Variants in DSCAM observed in about 807,000 individuals in gnomAD.
DSCAM encodes DS cell adhesion molecule.
A neutral mutation model predicts 217.7 loss-of-function variants in DSCAM; 47 were observed. The observed-to-expected ratio is 0.22, with a 90% CI of 0.17 to 0.28. DSCAM has a LOEUF of 0.28. DSCAM is among the 10% of genes least tolerant of loss of function. DSCAM has a pLI of 1.00. For synonymous variants in DSCAM, 1,056 were observed against 1,015.3 expected (o/e 1.04, Z -0.76); for missense variants, 2,080 against 2,618.3 (o/e 0.79, Z 4.49).
At chr21:40,658,545 A>G (rs2090101011) in intron 3 of DSCAM, among the ~76,000 whole-genome samples, 1 of 152,214 alleles carries the variant, frequency 6.6e-6, no homozygotes, top group African/African-American at 2.4e-5. Context: ...GGAATTCTAC[A>G]AGAATCTTCA....
At chr21:40,699,004 T>C (rs780763271) in intron 2 of DSCAM, among the ~76,000 whole-genome samples, 38 of 152,212 alleles carry the variant, frequency 2.5e-4, no homozygotes, top group Non-Finnish European at 4.8e-4. Flanking sequence ...GGAGAGATTA[T>C]GTTTTTTACA....
intron 20 of DSCAM, among the ~76,000 whole-genome samples, chr21:40,097,301 A>C (rs772974062): frequency 6.6e-6 from 1 of 152,232 alleles, no homozygotes; most frequent in Non-Finnish European, 1.5e-5. Context: ...TACTATATGC[A>C]AAGTGTGTAA....
intron 32 of DSCAM, among the ~76,000 whole-genome samples, chr21:40,017,822 G>T (rs1255820995): frequency 6.6e-6 from 1 of 152,202 alleles, no homozygotes; most frequent in Non-Finnish European, 1.5e-5. Flanking sequence ...AAAGTGTTGG[G>T]ATTACAGGCG....
At chr21:40,824,715 A>G (rs1435822287) in intron 1 of DSCAM, among the ~76,000 whole-genome samples, 1 of 151,922 alleles carries the variant, frequency 6.6e-6, no homozygotes, top group Non-Finnish European at 1.5e-5. Context: ...CCCGGCCCCT[A>G]TCCCATTTTT....
At chr21:40,553,318 T>C (rs980981192) in intron 3 of DSCAM, among the ~76,000 whole-genome samples, 2 of 152,258 alleles carry the variant, frequency 1.3e-5, no homozygotes, top group Non-Finnish European at 2.9e-5. Context: ...GATCAAGTTC[T>C]TCTGAAAATT....
intron 1 of DSCAM, among the ~76,000 whole-genome samples, chr21:40,795,468 G>A (rs1386742857): frequency 1.3e-5 from 2 of 152,012 alleles, no homozygotes; most frequent in Non-Finnish European, 2.9e-5. Context: ...TATTTAGGCT[G>A]GATTTCACCT....
rs1385685224 is a variant in DSCAM, at chr21:40,080,169, G to A, written c.4403C>T (p.Ala1468Val). 2 of 1,570,312 alleles carry A rather than the reference G, an allele frequency of 1.3e-6. No individual in the cohort carries two copies. The change falls in exon 25 of 33, where the codon GCA becomes GTA. Residue 1468 changes from alanine to valine, a missense_variant. Ala to Val is a moderately conservative substitution (Grantham distance 64). Coordinates refer to ENST00000400454, the MANE Select transcript of DSCAM (RefSeq NM_001389.5). ...ATACCTACCTTTTCCTAAGGTCTTT[G>A]CTTCTATGATTTCACTTATGCGCCC... The part of the protein sequence containing the change: ...GPGRISEIIE[A>V]KTLGKEPQFS...
In DSCAM at chr21:40,801,865, G is replaced by A. The variant is rs574601865; in HGVS notation, c.43+44754C>T. 1.2e-4 allele frequency among the ~76,000 whole-genome samples: 18 copies of A among 152,304 alleles called. No homozygotes were observed. The South Asian group carries it at 3.5e-3, about 30-fold the overall frequency. The stretch of plus-strand genomic sequence containing the variant: ...TAAGGATGTCATCAAAAGCTTGGGG[G>A]CCCAGGCAGGGACTTGTCACAGGGG... On this transcript the variant is annotated intron_variant, in intron 1 of 32. Coordinates refer to ENST00000400454, the MANE Select transcript of DSCAM (RefSeq NM_001389.5).
intron 3 of DSCAM, among the ~76,000 whole-genome samples, chr21:40,434,988 C>T (rs1054679027): frequency 6.6e-6 from 1 of 152,160 alleles, no homozygotes; most frequent in African/African-American, 2.4e-5. Context: ...ACAGGCCATC[C>T]TATCCTGAAA....
intron 3 of DSCAM, among the ~76,000 whole-genome samples, chr21:40,396,679 G>GCTACTA (rs3069907): frequency 9.8e-4 from 148 of 151,164 alleles, no homozygotes; most frequent in Middle Eastern, 6.9e-3. Flanking sequence ...TGCCACTGCT[G>GCTACTA]CTACTACTAC....
chr21:40,463,199 AC>A (rs1299320811), intron 3 of DSCAM, among the ~76,000 whole-genome samples: 1 of 152,120 alleles, frequency 6.6e-6, no homozygotes, highest in Non-Finnish European at 1.5e-5. Flanking sequence ...ATTATTGCAC[AC>A]CTACTAGATA....
intron 31 of DSCAM, 42 bp downstream of exon 31, chr21:40,044,036 G>A (rs776908213): frequency 2.5e-5 from 40 of 1,605,054 alleles, no homozygotes; most frequent in African/African-American, 1.1e-4. Context: ...TGCGGGGGCC[G>A]TGCTGGTCCC....
At chr21:40,805,490 C>T (rs572267992) in intron 1 of DSCAM, among the ~76,000 whole-genome samples, 1 of 152,126 alleles carries the variant, frequency 6.6e-6, no homozygotes, top group African/African-American at 2.4e-5. Flanking sequence ...TCCCTTGGCT[C>T]ACTCCCCAAT....
At chr21:40,331,498 G>A (rs1020417004) in intron 8 of DSCAM, among the ~76,000 whole-genome samples, 16 of 152,184 alleles carry the variant, frequency 1.1e-4, no homozygotes, top group Admixed American at 7.2e-4. Flanking sequence ...AAGACATTAC[G>A]GTGACAGACG....
chr21:40,531,498 C>T (rs918768078), intron 3 of DSCAM, among the ~76,000 whole-genome samples: 1 of 152,190 alleles, frequency 6.6e-6, no homozygotes, highest in Non-Finnish European at 1.5e-5. Flanking sequence ...GCAGGGACCA[C>T]GTCAGTATTT....
intron 3 of DSCAM, among the ~76,000 whole-genome samples, chr21:40,513,621 A>G (rs2076277232): frequency 6.6e-6 from 1 of 152,116 alleles, no homozygotes; most frequent in Non-Finnish European, 1.5e-5. Flanking sequence ...ATAAACTAGT[A>G]GAAAAAGAAC....
intron 3 of DSCAM, among the ~76,000 whole-genome samples, chr21:40,636,746 C>CG (rs1361135268): frequency 6.8e-6 from 1 of 146,270 alleles, no homozygotes. Context: ...GGATTTTGGC[C>CG]GGGGGTCTCA....
intron 11 of DSCAM, among the ~76,000 whole-genome samples, chr21:40,213,303 G>C (rs1809018855): frequency 6.6e-6 from 1 of 152,196 alleles, no homozygotes; most frequent in Non-Finnish European, 1.5e-5. Context: ...CCTGGTTAAA[G>C]AGTGCACTGT....
At chr21:40,213,497 T>C (rs1276077047) in intron 11 of DSCAM, among the ~76,000 whole-genome samples, 1 of 152,238 alleles carries the variant, frequency 6.6e-6, no homozygotes, top group African/African-American at 2.4e-5. Context: ...TGCTAATTGC[T>C]TACCTACATG....
Sources: allele counts gnomAD v4.1 joint callset (sites outside exome capture counted in the v4.1 genomes callset), GRCh38; gene constraint gnomAD v4.1.1; transcripts MANE v1.5; gene names NCBI Gene and HGNC (gene_info 2026-07-23, HGNC 2026-07-21).